LINC00305: variants seen among roughly 807,000 people sequenced by gnomAD.
LINC00305 encodes the protein long independently transcribed non-coding RNA 305, also known as long intergenic non-protein coding RNA 305.
Position 64,092,701 on chromosome 18 carries a change from C to T in LINC00305, n.540+5133G>A, listed in dbSNP as rs151305396. Among the ~76,000 whole-genome samples the T allele has an allele frequency of 9.7e-4, 148 of 152,286 alleles. 4 individuals are homozygous for T. The East Asian group carries it at 0.025, about 26-fold the overall frequency. On this transcript the variant is annotated intron_variant and non_coding_transcript_variant, in intron 3 of 3. Coordinates refer to ENST00000666468, the Ensembl canonical transcript of LINC00305. ...ATACTGGGGTGATCTTCCCCAAGGG[C>T]CCAGTGAATTTTCTCCTCTCACGTG...
intron 1 of LINC00305, among the ~76,000 whole-genome samples, chr18:64,106,347 C>T (rs983106455): frequency 9.9e-5 from 15 of 152,144 alleles, no homozygotes; most frequent in Non-Finnish European, 2.1e-4. Flanking sequence ...TGCCTACGCT[C>T]TGGCTTTCCT....
intron 1 of LINC00305, among the ~76,000 whole-genome samples, chr18:64,115,102 G>A: frequency 6.6e-6 from 1 of 152,150 alleles, no homozygotes; most frequent in East Asian, 1.9e-4. Flanking sequence ...AAAGCCGTGT[G>A]CTGAAATTTA....
intron 3 of LINC00305, among the ~76,000 whole-genome samples, chr18:64,085,366 T>G (rs1313926866): frequency 1.3e-5 from 2 of 152,218 alleles, no homozygotes; most frequent in Non-Finnish European, 2.9e-5. Context: ...GCTAAAATGT[T>G]TCCATGGATT....
intron 1 of LINC00305, among the ~76,000 whole-genome samples, chr18:64,112,392 T>C (rs569220562): frequency 6.6e-6 from 1 of 150,922 alleles, no homozygotes; most frequent in East Asian, 2.0e-4. Context: ...AATGGGAACA[T>C]CTATCATAGG....
intron 1 of LINC00305, chr18:64,139,609 T>G (rs1261231319): frequency 6.6e-6 from 1 of 152,174 alleles, no homozygotes; most frequent in African/African-American, 2.4e-5. Flanking sequence ...ATTTTAATCT[T>G]GAAAAATCAC....
At chr18:64,129,156 T>C (rs911290449) in intron 1 of LINC00305, among the ~76,000 whole-genome samples, 148 of 152,246 alleles carry the variant, frequency 9.7e-4, no homozygotes, top group African/African-American at 3.4e-3. Context: ...TAAAAGGCTC[T>C]TGTTTCTTTT....
At chr18:64,085,791 A>G (rs562754350) in intron 3 of LINC00305, among the ~76,000 whole-genome samples, 18 of 152,332 alleles carry the variant, frequency 1.2e-4, no homozygotes, top group African/African-American at 4.3e-4. Flanking sequence ...CCCAGGCAGC[A>G]TGCAGGCTCA....
intron 1 of LINC00305, among the ~76,000 whole-genome samples, chr18:64,116,725 T>G (rs549353520): frequency 1.9e-4 from 29 of 152,258 alleles, no homozygotes; most frequent in Admixed American, 1.9e-3. Context: ...AGAGTTGTCA[T>G]TTTTTTGCAA....
intron 1 of LINC00305, among the ~76,000 whole-genome samples, chr18:64,134,487 C>T (rs2051423674): frequency 6.6e-6 from 1 of 152,166 alleles, no homozygotes; most frequent in Admixed American, 6.5e-5. Flanking sequence ...CGCTCAAGCT[C>T]AGCATGAGGT....
At chr18:64,129,235 A>G (rs2051398642) in intron 1 of LINC00305, among the ~76,000 whole-genome samples, 1 of 152,172 alleles carries the variant, frequency 6.6e-6, no homozygotes, top group African/African-American at 2.4e-5. Context: ...TTCTAGTACT[A>G]AAATTAACAC....
chr18:64,104,463 C>T (rs1379825304), intron 1 of LINC00305, among the ~76,000 whole-genome samples: 1 of 152,178 alleles, frequency 6.6e-6, no homozygotes, highest in African/African-American at 2.4e-5. Flanking sequence ...AAGATTCCTC[C>T]TCCTGAGAAC....
intron 1 of LINC00305, among the ~76,000 whole-genome samples, chr18:64,123,930 G>A (rs140575325): frequency 5.9e-5 from 9 of 152,016 alleles, no homozygotes; most frequent in East Asian, 3.9e-4. Flanking sequence ...ATAGGAACCC[G>A]CCCATCTCTC....
chr18:64,130,667 T>A (rs996639813), intron 1 of LINC00305, among the ~76,000 whole-genome samples: 5 of 152,196 alleles, frequency 3.3e-5, no homozygotes, highest in African/African-American at 1.2e-4. Flanking sequence ...ATCAGCTCTG[T>A]ACTAAGAAAT....
intron 3 of LINC00305, among the ~76,000 whole-genome samples, chr18:64,081,746 T>C (rs1369040166): frequency 1.3e-5 from 2 of 152,092 alleles, no homozygotes; most frequent in African/African-American, 4.8e-5. Context: ...TGTGAAAATA[T>C]TATGTGAGAT....
At chr18:64,132,793 G>A (rs1599227497) in intron 1 of LINC00305, among the ~76,000 whole-genome samples, 1 of 152,306 alleles carries the variant, frequency 6.6e-6, no homozygotes. Context: ...GGGCATAGCA[G>A]TGCTGGAAAA....
rs567785262 is a variant in LINC00305, at chr18:64,119,311, C to G, written n.315-20671G>C. Reference sequence around the variant, plus strand: ...CTGACTGAGTAAAGGCTGAAGCTGGCTGATTCTGGTGGAGAATCATTTAGA... The same window carrying G: ...CTGACTGAGTAAAGGCTGAAGCTGGGTGATTCTGGTGGAGAATCATTTAGA... On this transcript the variant is annotated intron_variant and non_coding_transcript_variant, in intron 1 of 3. Transcript: ENST00000666468. 2.0e-5 allele frequency among the ~76,000 whole-genome samples: 3 copies of G among 152,180 alleles called. No individual in the cohort carries two copies. The South Asian group carries it at 6.2e-4, about 32-fold the overall frequency.
intron 3 of LINC00305, among the ~76,000 whole-genome samples, chr18:64,093,172 G>A (rs759059109): frequency 6.6e-6 from 1 of 152,058 alleles, no homozygotes; most frequent in African/African-American, 2.4e-5. Context: ...CCACTCCAGC[G>A]ATGAGGACTT....
At chr18:64,091,851 C>G (rs1443881238) in intron 3 of LINC00305, among the ~76,000 whole-genome samples, 1 of 152,168 alleles carries the variant, frequency 6.6e-6, no homozygotes, top group East Asian at 1.9e-4. Flanking sequence ...TAAACACACA[C>G]CTACACAGTT....
chr18:64,115,510 G>C (rs540130020), intron 1 of LINC00305, among the ~76,000 whole-genome samples: 2 of 152,132 alleles, frequency 1.3e-5, no homozygotes, highest in Admixed American at 1.3e-4. Context: ...GAGGGGGAAC[G>C]TGAGGGTGTC....
Sources: gnomAD v4.1 joint callset for allele counts (sites outside exome capture counted in the v4.1 genomes callset) on GRCh38, gnomAD v4.1.1 for gene constraint, MANE v1.5 for transcripts, NCBI Gene and HGNC (gene_info 2026-07-23, HGNC 2026-07-21) for gene names.